The following S100A8 variants were observed in gnomAD, a reference collection of about 807,000 sequenced individuals.
The protein encoded by S100A8 is S100 calcium binding protein A8, also known as protein S100-A8.
S100A8 carries 1 observed loss-of-function variant against 4.2 expected under a neutral mutation model. The ratio of observed to expected loss-of-function variants is 0.24; its 90% CI spans 0.08 to 1.12. The LOEUF (loss-of-function observed/expected upper bound fraction) is 1.12. S100A8 is among the 50% of genes most tolerant of loss of function. S100A8 has a pLI of 0.53. For missense variants in S100A8, 96 were observed against 111.8 expected, an observed-to-expected ratio of 0.86 and a Z score of 0.64; for synonymous variants, 41 against 44.7, an observed-to-expected ratio of 0.92 and a Z score of 0.33.
the S100A8 span, among the ~76,000 whole-genome samples, chr1:153,405,090 C>G: frequency 2.6e-5 from 4 of 152,000 alleles, no homozygotes; most frequent in East Asian, 5.8e-4. Flanking sequence ...GAGTCCCCCC[C>G]ACCCCGCACT....
chr1:153,418,492 C>T, the S100A8 span, among the ~76,000 whole-genome samples: 7 of 152,296 alleles, frequency 4.6e-5, no homozygotes, highest in African/African-American at 9.6e-5. Context: ...CCCCTCCCAG[C>T]GCTCACTGAC....
the S100A8 span, among the ~76,000 whole-genome samples, chr1:153,414,627 A>T: frequency 6.6e-6 from 1 of 152,226 alleles, no homozygotes; most frequent in East Asian, 1.9e-4. Context: ...CTAAAGAAGG[A>T]TGTGGAGCAA....
chr1:153,417,287 T>C, the S100A8 span: 2 of 152,274 alleles, frequency 1.3e-5, no homozygotes, highest in African/African-American at 4.8e-5. Flanking sequence ...AAGTCAGACA[T>C]TTTTATTTAA....
the S100A8 span, among the ~76,000 whole-genome samples, chr1:153,398,474 C>T: frequency 1.3e-5 from 2 of 152,220 alleles, no homozygotes; most frequent in African/African-American, 4.8e-5. Context: ...CACTGTGCCA[C>T]CCTCTCCAGA....
chr1:153,391,163 A>G (rs1662088547), upstream of S100A8: 1 of 985,422 alleles, frequency 1.0e-6, no homozygotes, highest in Non-Finnish European at 1.2e-6. Context: ...TCTCCCTGCC[A>G]GAGTTGCTAC....
upstream of S100A8, among the ~76,000 whole-genome samples, chr1:153,395,657 C>T (rs761782018): frequency 1.3e-5 from 2 of 152,194 alleles, no homozygotes; most frequent in Non-Finnish European, 2.9e-5. Flanking sequence ...CCCTTCCCCA[C>T]ACTTAACAAC....
chr1:153,420,194 A>G, the S100A8 span: 1 of 152,178 alleles, frequency 6.6e-6, no homozygotes. Flanking sequence ...CTCGCAGGTA[A>G]TGGAGTAGTT....
At chr1:153,402,235 C>T in the S100A8 span, among the ~76,000 whole-genome samples, 1 of 152,168 alleles carries the variant, frequency 6.6e-6, no homozygotes, top group Non-Finnish European at 1.5e-5. Flanking sequence ...TCCACCCATT[C>T]ATCTCATCTT....
the S100A8 span, among the ~76,000 whole-genome samples, chr1:153,416,159 TG>T: frequency 2.6e-5 from 4 of 152,262 alleles, no homozygotes; most frequent in Admixed American, 2.6e-4. Context: ...GTGGAAGTAC[TG>T]GGGGAGGGAA....
the S100A8 span, chr1:153,417,857 C>T: frequency 1.2e-4 from 66 of 552,768 alleles, no homozygotes; most frequent in African/African-American, 1.3e-3. Flanking sequence ...TGCATCTCTT[C>T]TTGGCCCTGG....
the S100A8 span, among the ~76,000 whole-genome samples, chr1:153,410,209 T>C: frequency 3.9e-5 from 6 of 152,050 alleles, no homozygotes; most frequent in Non-Finnish European, 8.8e-5. Flanking sequence ...TTTGAAAAGA[T>C]TAACAAAATT....
chr1:153,407,736 C>T, the S100A8 span, among the ~76,000 whole-genome samples: 1 of 152,230 alleles, frequency 6.6e-6, no homozygotes, highest in Admixed American at 6.5e-5. Context: ...CCAACTGACA[C>T]CTCATACAGC....
chr1:153,404,191 C>T, the S100A8 span, among the ~76,000 whole-genome samples: 26 of 152,214 alleles, frequency 1.7e-4, no homozygotes, highest in Non-Finnish European at 2.9e-4. Flanking sequence ...TTCCGGCACC[C>T]CACCTGCTCA....
the S100A8 span, chr1:153,418,371 T>C: frequency 5.4e-6 from 6 of 1,108,974 alleles, no homozygotes; most frequent in Non-Finnish European, 7.7e-6. Context: ...GGATCATATG[T>C]GAATCTAAGG....
At chr1:153,394,314 T>A (rs1269165176), upstream of S100A8, among the ~76,000 whole-genome samples, 1 of 152,154 alleles carries the variant, frequency 6.6e-6, no homozygotes, top group African/African-American at 2.4e-5. Flanking sequence ...TCGTACTCAA[T>A]GCCTGTGGAG....
the S100A8 span, among the ~76,000 whole-genome samples, chr1:153,400,143 C>T: frequency 4.6e-5 from 7 of 152,158 alleles, no homozygotes; most frequent in African/African-American, 1.7e-4. Context: ...TACCCATGGC[C>T]AGGGCAAGAC....
At chr1:153,402,366 C>T in the S100A8 span, among the ~76,000 whole-genome samples, 1 of 152,198 alleles carries the variant, frequency 6.6e-6, no homozygotes, top group Non-Finnish European at 1.5e-5. Context: ...CTGTTCTCAA[C>T]CACTACATTA....
chr1:153,409,001 C>T, the S100A8 span, among the ~76,000 whole-genome samples: 17 of 152,154 alleles, frequency 1.1e-4, no homozygotes, highest in African/African-American at 2.7e-4. Context: ...AAGGAACAAC[C>T]GTTACCAGCC....
chr1:153,397,862 T>C, the S100A8 span, among the ~76,000 whole-genome samples: 1 of 152,152 alleles, frequency 6.6e-6, no homozygotes, highest in African/African-American at 2.4e-5. Context: ...AGGGCCGCCT[T>C]CTGTGTCCAG....
Sources: gnomAD v4.1 joint callset for allele counts (sites outside exome capture counted in the v4.1 genomes callset) on GRCh38, gnomAD v4.1.1 for gene constraint, MANE v1.5 for transcripts, NCBI Gene and HGNC (gene_info 2026-07-23, HGNC 2026-07-21) for gene names.